FHIT: variants seen among roughly 807,000 people sequenced by gnomAD.
FHIT encodes fragile histidine triad diadenosine triphosphatase.
A neutral mutation model predicts 17.9 loss-of-function variants in FHIT; 19 were observed. The ratio of observed to expected loss-of-function variants is 1.06; its 90% CI spans 0.74 to 1.56. The LOEUF (loss-of-function observed/expected upper bound fraction) is 1.56, where lower values mean the gene tolerates loss of function less well. FHIT is among the 40% of genes most tolerant of loss of function. FHIT has a pLI of 0.00. For synonymous variants in FHIT, 81 were observed against 69.7 expected, an observed-to-expected ratio of 1.16 and a Z score of -0.81; for missense variants, 248 against 189.2, an observed-to-expected ratio of 1.31 and a Z score of -1.82.
chr3:60,103,553 G>A (rs781442971), intron 5 of FHIT, among the ~76,000 whole-genome samples: 4 of 152,158 alleles, frequency 2.6e-5, no homozygotes, highest in Non-Finnish European at 5.9e-5. Context: ...TGTAAAACAA[G>A]TAGAAGGTAA....
chr3:60,973,501 T>C (rs1350959388), intron 3 of FHIT, among the ~76,000 whole-genome samples: 1 of 152,214 alleles, frequency 6.6e-6, no homozygotes, highest in Non-Finnish European at 1.5e-5. Flanking sequence ...TGTGGCTCCT[T>C]TCCTCTGGGA....
chr3:60,804,895 C>T (rs1250642958), intron 4 of FHIT, among the ~76,000 whole-genome samples: 1 of 152,244 alleles, frequency 6.6e-6, no homozygotes, highest in Non-Finnish European at 1.5e-5. Context: ...GCACTCTTGG[C>T]ATGGCCATGG....
intron 4 of FHIT, among the ~76,000 whole-genome samples, chr3:60,542,456 G>C (rs13101168): frequency 6.6e-6 from 1 of 152,158 alleles, no homozygotes; most frequent in African/African-American, 2.4e-5. Context: ...GCACTTGATA[G>C]TACTTCCTGC....
At chr3:59,845,876 A>G (rs1477771639) in intron 8 of FHIT, among the ~76,000 whole-genome samples, 1 of 151,706 alleles carries the variant, frequency 6.6e-6, no homozygotes, top group Non-Finnish European at 1.5e-5. Context: ...TTTAAAGTCT[A>G]TTTTTTCTGA....
intron 4 of FHIT, among the ~76,000 whole-genome samples, chr3:60,747,022 C>T (rs1334714991): frequency 6.6e-6 from 1 of 151,864 alleles, no homozygotes; most frequent in African/African-American, 2.4e-5. Flanking sequence ...GTAGAAAGAA[C>T]TGAAAAACCC....
chr3:60,189,670 C>T (rs767539425), intron 5 of FHIT, among the ~76,000 whole-genome samples: 1 of 152,108 alleles, frequency 6.6e-6, no homozygotes, highest in Non-Finnish European at 1.5e-5. Flanking sequence ...AGAATTTGGT[C>T]GGCATTGGTA....
chr3:61,143,320 T>G (rs2037138159), intron 2 of FHIT, among the ~76,000 whole-genome samples: 1 of 152,196 alleles, frequency 6.6e-6, no homozygotes, highest in Admixed American at 6.5e-5. Flanking sequence ...TTATGTATAG[T>G]GTATGTTTAT....
intron 4 of FHIT, among the ~76,000 whole-genome samples, chr3:60,573,434 A>C (rs550539786): frequency 6.6e-6 from 1 of 152,186 alleles, no homozygotes; most frequent in African/African-American, 2.4e-5. Flanking sequence ...CAAACTAAAA[A>C]CTGTAGTGGG....
In FHIT at chr3:59,846,016, A is replaced by G. The variant is rs116118747; in HGVS notation, c.348+76330T>C. 4.3e-3 allele frequency among the ~76,000 whole-genome samples: 650 copies of G among 152,194 alleles called. 6 individuals carry two copies. The highest frequency in any genetic ancestry group is 7.4e-3 in the Non-Finnish European group (503 of 67,968). ...GTCTGTGAAGACAGTATATAGTTGG[A>G]TTATGATTTTTTAAAACCATTTTGT... is the stretch of plus-strand genomic sequence containing the variant. On this transcript the variant is annotated intron_variant, in intron 8 of 9. Transcript: ENST00000492590.
At chr3:60,450,158 G>A (rs1174155736) in intron 5 of FHIT, among the ~76,000 whole-genome samples, 2 of 146,560 alleles carry the variant, frequency 1.4e-5, no homozygotes, top group Non-Finnish European at 2.9e-5. Flanking sequence ...GGATATTATT[G>A]TAAACTACTG....
chr3:61,211,564 C>T (rs908213864), intron 1 of FHIT, among the ~76,000 whole-genome samples: 85 of 152,346 alleles, frequency 5.6e-4, no homozygotes, highest in African/African-American at 1.9e-3. Context: ...GTGGGCTCCA[C>T]CTCTGGGGGC....
At chr3:60,891,704 G>A (rs1307479490) in intron 3 of FHIT, among the ~76,000 whole-genome samples, 11 of 152,050 alleles carry the variant, frequency 7.2e-5, no homozygotes, top group Admixed American at 5.2e-4. Flanking sequence ...CCAAAAGATG[G>A]GCTGCTGCAC....
At chr3:60,615,881 G>A (rs72889614) in intron 4 of FHIT, among the ~76,000 whole-genome samples, 2,045 of 152,270 alleles carry the variant, frequency 0.013, 57 homozygotes, top group African/African-American at 0.047. Flanking sequence ...TTCGAGTGAA[G>A]TTTACCAATA....
chr3:60,632,505 G>C (rs1423784629), intron 4 of FHIT, among the ~76,000 whole-genome samples: 4 of 152,154 alleles, frequency 2.6e-5, no homozygotes, highest in African/African-American at 7.2e-5. Context: ...GCTGGCAGAT[G>C]ACAGTTTCCG....
chr3:60,953,669 C>T (rs919981994), intron 3 of FHIT, among the ~76,000 whole-genome samples: 14 of 152,114 alleles, frequency 9.2e-5, no homozygotes, highest in South Asian at 2.1e-4. Flanking sequence ...CATCCCAACC[C>T]GCCAATGACT....
chr3:60,489,617 A>G (rs1201521768), intron 5 of FHIT, among the ~76,000 whole-genome samples: 9 of 152,174 alleles, frequency 5.9e-5, no homozygotes. Flanking sequence ...TACAATACCA[A>G]TAAGAACATC....
chr3:60,453,462 C>G (rs2031881992), intron 5 of FHIT, among the ~76,000 whole-genome samples: 2 of 152,120 alleles, frequency 1.3e-5, no homozygotes, highest in African/African-American at 2.4e-5. Context: ...AGGCCAGGCA[C>G]CAGGCTAGGA....
intron 7 of FHIT, among the ~76,000 whole-genome samples, chr3:60,009,452 ACT>A (rs1219529777): frequency 9.2e-5 from 14 of 152,136 alleles, no homozygotes; most frequent in African/African-American, 3.4e-4. Context: ...ATATATAAGT[ACT>A]ATATGTTAAG....
rs766467575 is a variant in FHIT, at chr3:60,014,132, G to A, written c.124C>T (p.Arg42Trp). 46 of 1,613,888 alleles carry A rather than the reference G, an allele frequency of 2.9e-5. No homozygotes were observed. The highest frequency in any genetic ancestry group is 1.5e-4 in the Admixed American group (9 of 59,996). The change falls in exon 6 of 10, where the codon CGG (arginine) becomes TGG (tryptophan). Residue 42 changes from arginine (R) to tryptophan (W), a missense_variant. Physicochemically the swap from Arg to Trp is moderately radical, Grantham distance 101. Transcript: ENST00000492590. The part of the protein sequence containing the change: ...VPGHVLVCPL[R>W]PVERFHDLRP... Reference sequence around the variant, plus strand: ...AGGTCATGGAAGCGCTCCACTGGCCGCAGCGGGCACACAAGGACATCTGTA... The same window carrying A: ...AGGTCATGGAAGCGCTCCACTGGCCACAGCGGGCACACAAGGACATCTGTA...
Sources: allele counts gnomAD v4.1 joint callset (sites outside exome capture counted in the v4.1 genomes callset), GRCh38; gene constraint gnomAD v4.1.1; transcripts MANE v1.5; gene names NCBI Gene and HGNC (gene_info 2026-07-23, HGNC 2026-07-21).